WDR88: variants seen among roughly 807,000 people sequenced by gnomAD.
The protein encoded by WDR88 is WD repeat domain 88, also known as WD repeat-containing protein 88.
In WDR88, 40 loss-of-function variants were observed where a neutral mutation model predicts 46.8. The observed-to-expected ratio is 0.86, with a 90% CI of 0.66 to 1.11. The LOEUF (loss-of-function observed/expected upper bound fraction) is 1.11. Ranked by LOEUF, WDR88 falls within the 50% of genes most tolerant of loss-of-function variation. The pLI is 0.00. For synonymous variants in WDR88, 235 were observed against 240.7 expected, an observed-to-expected ratio of 0.98 and a Z score of 0.22; for missense variants, 562 against 602.4, an observed-to-expected ratio of 0.93 and a Z score of 0.70.
At chr19:33,156,319 A>C (rs1191864599) in intron 6 of WDR88, 36 bp from the exon 7 acceptor site, 1 of 1,594,238 alleles carries the variant, frequency 6.3e-7, no homozygotes, top group Non-Finnish European at 8.6e-7. Context: ...CCAGGAGCAA[A>C]GCGCTAATGT....
At chr19:33,138,127 C>T (rs138303241) in intron 2 of WDR88, among the ~76,000 whole-genome samples, 11,056 of 151,970 alleles carry the variant, frequency 0.073, 664 homozygotes, top group Admixed American at 0.2. Flanking sequence ...ACCTCCGCCT[C>T]CTGAGTTCAA....
intron 2 of WDR88, among the ~76,000 whole-genome samples, chr19:33,142,325 G>C (rs977161745): frequency 1.3e-5 from 2 of 152,046 alleles, no homozygotes; most frequent in Non-Finnish European, 2.9e-5. Flanking sequence ...ATGGGACAAG[G>C]GGCGAAGGCA....
chr19:33,154,830 T>C (rs1252127411), intron 6 of WDR88, among the ~76,000 whole-genome samples: 1 of 152,180 alleles, frequency 6.6e-6, no homozygotes, highest in Non-Finnish European at 1.5e-5. Flanking sequence ...TGGTGAGGTT[T>C]ATCCCGGATG....
chr19:33,168,774 G>T (rs538141472), intron 9 of WDR88, among the ~76,000 whole-genome samples: 1 of 152,160 alleles, frequency 6.6e-6, no homozygotes, highest in Admixed American at 6.6e-5. Context: ...ATAGCCAAAA[G>T]AATCTTGAAG....
intron 5 of WDR88, among the ~76,000 whole-genome samples, chr19:33,150,789 G>A (rs1023076049): frequency 2.0e-5 from 3 of 152,144 alleles, no homozygotes; most frequent in African/African-American, 7.3e-5. Context: ...TGCAAGCACT[G>A]TTCCTTCTTC....
At position 33,171,341 on chromosome 19, in the gene WDR88, C is replaced by T. The variant is rs548547372; in HGVS notation, c.1150-1007C>T. ...GAGCTGGGAGGATGTTTTTTGTTGTCATGATTTGACAAACCACTTGCTATA... is the reference window on the plus strand; with the variant it reads ...GAGCTGGGAGGATGTTTTTTGTTGTTATGATTTGACAAACCACTTGCTATA... On this transcript the variant is annotated intron_variant, in intron 9 of 10. Transcript: ENST00000355868. 3.3e-5 allele frequency among the ~76,000 whole-genome samples: 5 copies of T among 152,238 alleles called. No individual in the cohort carries two copies. The South Asian group carries it at 1.0e-3, about 32-fold the overall frequency.
chr19:33,140,934 CA>C (rs1303200468), intron 2 of WDR88, among the ~76,000 whole-genome samples: 4 of 129,688 alleles, frequency 3.1e-5, no homozygotes, highest in East Asian at 2.4e-4. Context: ...ACCAAACTTA[CA>C]TTTTTTTTTT....
chr19:33,133,192 T>G (rs1199093808), intron 1 of WDR88, among the ~76,000 whole-genome samples: 8 of 37,156 alleles, frequency 2.2e-4, no homozygotes, highest in Admixed American at 1.1e-3. Context: ...AATAAATAAA[T>G]AAATATAGAG....
At chr19:33,145,875 C>T (rs564507840) in intron 3 of WDR88, among the ~76,000 whole-genome samples, 3 of 152,242 alleles carry the variant, frequency 2.0e-5, no homozygotes, top group African/African-American at 2.4e-5. Context: ...GCCACAGAAA[C>T]GTGCCATGTA....
At chr19:33,156,606 T>TC in intron 7 of WDR88, 64 bp downstream of exon 7, 13 of 1,522,416 alleles carry the variant, frequency 8.5e-6, no homozygotes, top group Non-Finnish European at 1.2e-5. Context: ...TTCTCCATGT[T>TC]CCGTTCAAAT....
chr19:33,157,683 GTATGTATATATATATA>G (rs1189353067), intron 7 of WDR88, among the ~76,000 whole-genome samples: 10 of 6,448 alleles, frequency 1.6e-3, no homozygotes, highest in Admixed American at 8.8e-3. Flanking sequence ...GTGTGTGTAT[GTATGTATATATATATA>G]TATATATATA....
chr19:33,135,497 C>T (rs1252025560), intron 1 of WDR88, among the ~76,000 whole-genome samples: 4 of 152,156 alleles, frequency 2.6e-5, no homozygotes, highest in African/African-American at 7.2e-5. Context: ...TGGCTCACTG[C>T]AGCCTCTGCC....
At chr19:33,157,499 A>C (rs1441196183) in intron 7 of WDR88, among the ~76,000 whole-genome samples, 8 of 110,936 alleles carry the variant, frequency 7.2e-5, no homozygotes, top group Admixed American at 3.8e-4. Flanking sequence ...CTCTGTCTCA[A>C]TATATATATA....
At position 33,141,232 on chromosome 19, in the gene WDR88, T is replaced by TTTTTTTTG. The variant is rs1555724351; in HGVS notation, c.387+3452_387+3453insGTTTTTTT. On this transcript the variant is annotated intron_variant, in intron 2 of 10. Transcript: ENST00000355868. ...GATTACAGGTGTGGGAGCATGTTTTTTTTTTTTTCTTTTTTGACACAGGAT... is the reference window on the plus strand; with the variant it reads ...GATTACAGGTGTGGGAGCATGTTTTTTTTTTTTGTTTTTTTTCTTTTTTGACACAGGAT... 2.3e-5 allele frequency among the ~76,000 whole-genome samples: 3 copies of TTTTTTTTG among 132,802 alleles called. No homozygotes were observed. The South Asian group carries it at 8.3e-4, about 37-fold the overall frequency. 87.1% of individuals were successfully genotyped at this position (132,802 alleles called of 152,430 possible).
intron 7 of WDR88, 134 bp from the exon 8 acceptor site, chr19:33,160,280 C>T (rs1973843000): frequency 3.5e-6 from 3 of 858,300 alleles, no homozygotes; most frequent in South Asian, 2.8e-5. Context: ...GGTCGTGGAG[C>T]CACTCCAGGA....
intron 9 of WDR88, among the ~76,000 whole-genome samples, chr19:33,165,008 A>G (rs979108372): frequency 2.0e-5 from 3 of 151,774 alleles, no homozygotes; most frequent in African/African-American, 7.3e-5. Flanking sequence ...ATCATCAGGC[A>G]TTAGATTCTC....
At chr19:33,174,638 T>C in intron 10 of WDR88, 1 of 985,430 alleles carries the variant, frequency 1.0e-6, no homozygotes, top group Non-Finnish European at 1.2e-6. Flanking sequence ...TTCAGAAATC[T>C]TGCCTACTTG....
chr19:33,172,810 C>G (rs1460300066), intron 10 of WDR88, among the ~76,000 whole-genome samples: 1 of 151,978 alleles, frequency 6.6e-6, no homozygotes, highest in Non-Finnish European at 1.5e-5. Flanking sequence ...GAACTTCCAG[C>G]TGGATGCGGT....
chr19:33,145,810 A>G (rs1357767931), intron 3 of WDR88, among the ~76,000 whole-genome samples: 4 of 152,158 alleles, frequency 2.6e-5, no homozygotes, highest in Non-Finnish European at 4.4e-5. Flanking sequence ...CTGGGATTAC[A>G]GGTGTGAGCC....
Sources: allele counts gnomAD v4.1 joint callset (sites outside exome capture counted in the v4.1 genomes callset), GRCh38; gene constraint gnomAD v4.1.1; transcripts MANE v1.5; gene names NCBI Gene and HGNC (gene_info 2026-07-23, HGNC 2026-07-21).